The following RSPO3 variants were observed in gnomAD, a reference collection of about 807,000 sequenced individuals.
RSPO3 encodes R-spondin 3, also known as R-spondin-3.
In RSPO3, 17 loss-of-function variants were observed where a neutral mutation model predicts 36.5. The observed-to-expected ratio is 0.47, with a 90% CI of 0.32 to 0.70. RSPO3 has a LOEUF of 0.70. RSPO3 is among the 30% of genes least tolerant of loss of function. The pLI is 0.04. For synonymous variants in RSPO3, 108 were observed against 107.0 expected, an observed-to-expected ratio of 1.01 and a Z score of -0.06; for missense variants, 294 against 322.5, an observed-to-expected ratio of 0.91 and a Z score of 0.68.
At chr6:127,187,469 G>C (rs964507307) in intron 4 of RSPO3, among the ~76,000 whole-genome samples, 5 of 151,860 alleles carry the variant, frequency 3.3e-5, no homozygotes, top group African/African-American at 1.2e-4. Flanking sequence ...AATATTTGAC[G>C]GTGCTTAATA....
chr6:127,197,300 T>G lies in RSPO3; in HGVS notation c.*1293T>G. 1 of 1,229,648 alleles carries G rather than the reference T, an allele frequency of 8.1e-7. No homozygotes were observed. Among genetic ancestry groups the G allele is most frequent in the South Asian group, 1.5e-5 (1 of 65,658 alleles). The allele number at this position is 1,229,648 out of a possible 1,614,324, so 76.2% of individuals were successfully genotyped here. A position where few individuals can be genotyped will look rare whatever the true frequency, so the allele number is the denominator to read the frequency against. ...CTAATTATAGACACATGGGCCTCCC[T>G]AGCTGATTTCACTGCTCCCCCTTCA... On this transcript the variant is annotated 3_prime_UTR_variant, in exon 5 of 5. Transcript: ENST00000356698.
At chr6:127,168,070 A>G (rs1393229136) in intron 4 of RSPO3, among the ~76,000 whole-genome samples, 1 of 152,116 alleles carries the variant, frequency 6.6e-6, no homozygotes, top group Non-Finnish European at 1.5e-5. Flanking sequence ...CATACATGTG[A>G]ATATGTCTTT....
In RSPO3 at chr6:127,148,791, C is replaced by G. The variant is rs1774434914; in HGVS notation, c.241C>G (p.Pro81Ala). The G allele has an allele frequency of 6.2e-7, 1 of 1,612,686 alleles. No individual in the cohort carries two copies. The highest frequency in any genetic ancestry group is 1.3e-5 in the African/African-American group (1 of 74,832). Residue 81 changes from proline (P) to alanine (A), a missense_variant, in exon 2 of 5, where the codon CCA becomes GCA. Transcript: ENST00000356698. ...KQIGVCLSSC[P>A]SGYYGTRYPD... is the part of the protein sequence containing the mutation. Reference sequence around the variant, plus strand: ...GATTGGAGTATGTCTCTCTTCATGTCCAAGTGGATATTATGGAACTCGATA... The same window carrying G: ...GATTGGAGTATGTCTCTCTTCATGTGCAAGTGGATATTATGGAACTCGATA...
chr6:127,148,100 T>C (rs1774422943), intron 1 of RSPO3, among the ~76,000 whole-genome samples: 1 of 152,150 alleles, frequency 6.6e-6, no homozygotes, highest in African/African-American at 2.4e-5. Flanking sequence ...TAATACACCA[T>C]AGTTCAAAAC....
chr6:127,125,794 C>G (rs1225888712), intron 1 of RSPO3, among the ~76,000 whole-genome samples: 1 of 152,050 alleles, frequency 6.6e-6, no homozygotes, highest in African/African-American at 2.4e-5. Context: ...CAGTCTACCC[C>G]ATCTTGTCCT....
chr6:127,137,316 G>A (rs1243389693), intron 1 of RSPO3, among the ~76,000 whole-genome samples: 3 of 152,056 alleles, frequency 2.0e-5, no homozygotes, highest in South Asian at 2.1e-4. Flanking sequence ...TCTTGAACCC[G>A]GGAGGCAGAG....
chr6:127,191,330 T>C (rs1005441140), intron 4 of RSPO3, among the ~76,000 whole-genome samples: 3 of 152,168 alleles, frequency 2.0e-5, no homozygotes, highest in African/African-American at 4.8e-5. Context: ...TAAATGTGGT[T>C]GCACATCAAA....
rs1487399523 is a variant in RSPO3, at chr6:127,119,303, T to G, written c.97+14T>G. The G allele has an allele frequency of 1.3e-6, 2 of 1,594,374 alleles. No homozygotes were observed. Among genetic ancestry groups the G allele is most frequent in the South Asian group, 1.1e-5 (1 of 89,978 alleles). The stretch of plus-strand genomic sequence containing the variant: ...GCCAGCGAAGAAGTAAGTGCAGGGT[T>G]TTTTACGCGTTTGCTCCCTCCCGCC... On this transcript the variant is annotated intron_variant, in intron 1 of 4. Transcript: ENST00000356698.
chr6:127,130,369 CTT>C (rs1774026868), intron 1 of RSPO3, among the ~76,000 whole-genome samples: 1 of 152,092 alleles, frequency 6.6e-6, no homozygotes, highest in South Asian at 2.1e-4. Flanking sequence ...TTTCAGCACT[CTT>C]TTGAGCTTAG....
intron 1 of RSPO3, among the ~76,000 whole-genome samples, chr6:127,123,650 C>G (rs1338052728): frequency 6.6e-6 from 1 of 151,968 alleles, no homozygotes; most frequent in Admixed American, 6.6e-5. Flanking sequence ...TTTTAAAATA[C>G]CTTCTTTTTA....
chr6:127,194,528 T>C (rs1301496997), intron 4 of RSPO3, among the ~76,000 whole-genome samples: 1 of 152,224 alleles, frequency 6.6e-6, no homozygotes, highest in Non-Finnish European at 1.5e-5. Flanking sequence ...ATAAAAGGTG[T>C]ACATGATAAT....
intron 1 of RSPO3, among the ~76,000 whole-genome samples, chr6:127,132,491 G>A (rs1056092572): frequency 2.6e-5 from 4 of 151,906 alleles, no homozygotes; most frequent in Admixed American, 1.3e-4. Flanking sequence ...GACTACTCGT[G>A]CTTTAATGGC....
At chr6:127,147,130 G>A (rs748996677) in intron 1 of RSPO3, among the ~76,000 whole-genome samples, 2 of 152,086 alleles carry the variant, frequency 1.3e-5, no homozygotes, top group Non-Finnish European at 2.9e-5. Flanking sequence ...CTTGGAATGA[G>A]AATGAGCTGC....
At chr6:127,140,945 AG>A (rs1774257302) in intron 1 of RSPO3, among the ~76,000 whole-genome samples, 1 of 152,168 alleles carries the variant, frequency 6.6e-6, no homozygotes, top group Admixed American at 6.5e-5. Context: ...GTAGACTTAA[AG>A]GTTCTTCCCT....
chr6:127,121,657 G>C (rs1773848760), intron 1 of RSPO3, among the ~76,000 whole-genome samples: 1 of 152,162 alleles, frequency 6.6e-6, no homozygotes, highest in Non-Finnish European at 1.5e-5. Context: ...GGAGGGTAGA[G>C]AGGTCCTCTT....
At chr6:127,155,216 G>A (rs41285262) in intron 3 of RSPO3, 25 bp from the exon 4 acceptor site, 296,240 of 1,609,948 alleles carry the variant, frequency 0.18, 29,775 homozygotes, top group Admixed American at 0.22. Flanking sequence ...AGCCAGCTGA[G>A]TCTGTTTCTT....
At chr6:127,142,177 A>G (rs537052930) in intron 1 of RSPO3, among the ~76,000 whole-genome samples, 3 of 152,304 alleles carry the variant, frequency 2.0e-5, no homozygotes, top group African/African-American at 4.8e-5. Flanking sequence ...GGAGTGTTGT[A>G]TCCAAATAAG....
chr6:127,160,934 T>G (rs1582801103), intron 4 of RSPO3, among the ~76,000 whole-genome samples: 1 of 152,306 alleles, frequency 6.6e-6, no homozygotes, highest in East Asian at 1.9e-4. Context: ...ATATGACTTA[T>G]TCTCTGTTTT....
chr6:127,140,720 C>A (rs1774252183), intron 1 of RSPO3, among the ~76,000 whole-genome samples: 1 of 152,116 alleles, frequency 6.6e-6, no homozygotes, highest in Non-Finnish European at 1.5e-5. Flanking sequence ...TTTACTCTGG[C>A]CCTCAAGGGA....
Sources: gnomAD v4.1 joint callset for allele counts (sites outside exome capture counted in the v4.1 genomes callset) on GRCh38, gnomAD v4.1.1 for gene constraint, MANE v1.5 for transcripts, NCBI Gene and HGNC (gene_info 2026-07-23, HGNC 2026-07-21) for gene names.